Variants in IL1RAPL2 observed in about 807,000 individuals in gnomAD.
IL1RAPL2 encodes the protein X-linked interleukin-1 receptor accessory protein-like 2.
In IL1RAPL2, 3 loss-of-function variants were observed where a neutral mutation model predicts 44.1. The ratio of observed to expected loss-of-function variants is 0.07; its 90% CI spans 0.03 to 0.18. IL1RAPL2 has a LOEUF of 0.18. Among genes scored for constraint, IL1RAPL2 ranks in the 10% least tolerant of loss-of-function variants. IL1RAPL2 has a pLI of 1.00. For missense variants in IL1RAPL2, 391 were observed against 496.4 expected, an observed-to-expected ratio of 0.79 and a Z score of 2.02; for synonymous variants, 181 against 178.8, an observed-to-expected ratio of 1.01 and a Z score of -0.10.
intron 2 of IL1RAPL2, among the ~76,000 whole-genome samples, chrX:104,814,033 T>C (rs1164217379): frequency 9.0e-6 from 1 of 111,236 alleles, no homozygotes; most frequent in Non-Finnish European, 1.9e-5. Context: ...ATTTGTTCCA[T>C]CTCTTTTATT....
At chrX:105,305,568 A>C (rs12009197) in intron 5 of IL1RAPL2, among the ~76,000 whole-genome samples, 3,362 of 110,571 alleles carry the variant, frequency 0.03, 52 homozygotes, top group Middle Eastern at 0.047. Context: ...TAGAAAAGCC[A>C]AAATTCCCAT....
intron 2 of IL1RAPL2, among the ~76,000 whole-genome samples, chrX:104,910,665 G>A (rs1458695546): frequency 1.8e-5 from 2 of 111,345 alleles, no homozygotes; most frequent in African/African-American, 6.5e-5. Flanking sequence ...TGATATAGTG[G>A]TGTCTTGAGG....
intron 10 of IL1RAPL2, among the ~76,000 whole-genome samples, chrX:105,757,387 C>T (rs1169363955): frequency 1.8e-5 from 2 of 111,847 alleles, no homozygotes; most frequent in African/African-American, 6.5e-5. Flanking sequence ...ATTTTACTAG[C>T]TTTTCATCTA....
intron 2 of IL1RAPL2, among the ~76,000 whole-genome samples, chrX:105,029,642 T>A (rs180893509): frequency 0.06 from 6,524 of 108,877 alleles, 578 homozygotes; most frequent in African/African-American, 0.21. Flanking sequence ...TTCTTAATCC[T>A]GTCTATCATT....
In IL1RAPL2 at chrX:104,621,646, C is replaced by T. The variant is rs145777400; in HGVS notation, c.-19-37249C>T. Among the ~76,000 whole-genome samples, 49 of 110,861 alleles carry T rather than the reference C, an allele frequency of 4.4e-4. No homozygotes were observed. In the East Asian group the frequency reaches 0.012, roughly 28 times the overall value. The stretch of plus-strand genomic sequence containing the variant: ...CTCCACTCCACACCCAGACTGAGGC[C>T]GATCTCCAGTTTATATATGTATTAG... On this transcript the variant is annotated intron_variant, in intron 1 of 10. Coordinates refer to ENST00000372582, the MANE Select transcript of IL1RAPL2 (RefSeq NM_017416.2).
rs1483307117 is a variant in IL1RAPL2 at position 105,115,752 on chromosome X, C to T, written c.83-79723C>T. Among the ~76,000 whole-genome samples, 4 of 113,154 alleles carry T rather than the reference C, an allele frequency of 3.5e-5. No homozygotes were observed. The Admixed American group carries it at 3.7e-4, about 10-fold the overall frequency. On this transcript the variant is annotated intron_variant, in intron 2 of 10. Transcript: ENST00000372582. ...GCCAGTTATGCGCCTTGCGCCTGCA[C>T]TCCTCAGCCCTTGGGCGGTTGATGG...
intron 6 of IL1RAPL2, among the ~76,000 whole-genome samples, chrX:105,501,580 C>T (rs766843523): frequency 9.0e-6 from 1 of 110,910 alleles, no homozygotes; most frequent in Admixed American, 9.7e-5. Flanking sequence ...CCCTTACTCG[C>T]ATCACTGCAA....
intron 5 of IL1RAPL2, among the ~76,000 whole-genome samples, chrX:105,483,998 A>G (rs190216404): frequency 8.9e-6 from 1 of 111,763 alleles, no homozygotes; most frequent in Admixed American, 9.5e-5. Context: ...TTTCTCAATT[A>G]TACTTTTAAA....
chrX:105,557,341 T>TTG (rs749262847), intron 6 of IL1RAPL2, among the ~76,000 whole-genome samples: 18 of 111,552 alleles, frequency 1.6e-4, no homozygotes, highest in African/African-American at 4.9e-4. Flanking sequence ...CAGTAACTTT[T>TTG]TGTGTGTGTG....
At chrX:105,644,884 G>A (rs2037595598) in intron 6 of IL1RAPL2, among the ~76,000 whole-genome samples, 1 of 111,224 alleles carries the variant, frequency 9.0e-6, no homozygotes, top group Non-Finnish European at 1.9e-5. Context: ...TCTTGTTTTA[G>A]TTTGCTGAGA....
In IL1RAPL2 at chrX:105,679,959, A is replaced by C. The variant is rs2037909133; in HGVS notation, c.773-37408A>C. Among the ~76,000 whole-genome samples the C allele has an allele frequency of 1.8e-5, 2 of 111,292 alleles. 1 individual carries two copies. Among genetic ancestry groups the C allele is most frequent in the Admixed American group, 1.9e-4 (2 of 10,485 alleles). ...GTGGACCTGAGGCTAGGAAACAAGGATTTTGCCAATAGTATCTACAAATGT... is the reference window on the plus strand; with the variant it reads ...GTGGACCTGAGGCTAGGAAACAAGGCTTTTGCCAATAGTATCTACAAATGT... On this transcript the variant is annotated intron_variant, in intron 6 of 10. Coordinates refer to ENST00000372582, the MANE Select transcript of IL1RAPL2 (RefSeq NM_017416.2).
chrX:105,092,949 TA>T (rs1230450054), intron 2 of IL1RAPL2, among the ~76,000 whole-genome samples: 1 of 109,439 alleles, frequency 9.1e-6, no homozygotes, highest in African/African-American at 3.3e-5. Flanking sequence ...TAACTGGAAG[TA>T]AAAAAAAATA....
intron 6 of IL1RAPL2, among the ~76,000 whole-genome samples, chrX:105,575,704 A>G (rs375765120): frequency 3.6e-5 from 4 of 112,580 alleles, no homozygotes; most frequent in South Asian, 7.3e-4. Context: ...TGGGATTGCT[A>G]GGTGGAATGG....
intron 6 of IL1RAPL2, among the ~76,000 whole-genome samples, chrX:105,494,756 G>A (rs1322044010): frequency 9.0e-6 from 1 of 111,379 alleles, no homozygotes; most frequent in African/African-American, 3.3e-5. Flanking sequence ...CTGGGCTCAA[G>A]TGATCCTCCT....
At chrX:104,953,576 T>G (rs2147712000) in intron 2 of IL1RAPL2, among the ~76,000 whole-genome samples, 1 of 111,848 alleles carries the variant, frequency 8.9e-6, no homozygotes, top group Non-Finnish European at 1.9e-5. Flanking sequence ...TGAGCAACTT[T>G]ATTTGGCTTC....
At chrX:104,581,738 C>T (rs905357986) in intron 1 of IL1RAPL2, among the ~76,000 whole-genome samples, 2 of 111,380 alleles carry the variant, frequency 1.8e-5, no homozygotes, top group African/African-American at 6.5e-5. Context: ...ATATACTATA[C>T]TATTCGCTGG....
At chrX:105,116,060 C>T (rs1380028385) in intron 2 of IL1RAPL2, among the ~76,000 whole-genome samples, 3 of 112,760 alleles carry the variant, frequency 2.7e-5, no homozygotes, top group East Asian at 2.8e-4. Flanking sequence ...CAAGCGCGTG[C>T]GCAGCCCTGG....
At chrX:104,788,213 G>T (rs1197301331) in intron 2 of IL1RAPL2, among the ~76,000 whole-genome samples, 1 of 112,410 alleles carries the variant, frequency 8.9e-6, no homozygotes, top group African/African-American at 3.2e-5. Flanking sequence ...TCTGGCATTA[G>T]TCTGCTTAGC....
At chrX:104,682,276 G>A (rs538396551) in intron 2 of IL1RAPL2, among the ~76,000 whole-genome samples, 2 of 111,869 alleles carry the variant, frequency 1.8e-5, no homozygotes, top group East Asian at 5.6e-4. Flanking sequence ...GGATATGAAG[G>A]CACAATTAGG....
Sources: gnomAD v4.1 joint callset for allele counts (sites outside exome capture counted in the v4.1 genomes callset) on GRCh38, gnomAD v4.1.1 for gene constraint, MANE v1.5 for transcripts, NCBI Gene and HGNC (gene_info 2026-07-23, HGNC 2026-07-21) for gene names.